The following RIPOR2 variants were observed in gnomAD, a reference collection of about 807,000 sequenced individuals.
RIPOR2 encodes the protein RHO family interacting cell polarization regulator 2, also known as rho family-interacting cell polarization regulator 2.
Under a neutral mutation model 114.5 loss-of-function variants are expected in RIPOR2, and 39 were observed. The ratio of observed to expected loss-of-function variants is 0.34; its 90% CI spans 0.26 to 0.44. The LOEUF (loss-of-function observed/expected upper bound fraction) is 0.44. Ranked by LOEUF, RIPOR2 falls within the 20% of genes least tolerant of loss-of-function variation. The pLI, the probability that RIPOR2 is intolerant of heterozygous loss-of-function variation, is 1.00. For synonymous variants in RIPOR2, 445 were observed against 484.4 expected, an observed-to-expected ratio of 0.92 and a Z score of 1.07; for missense variants, 1,007 against 1,255.1, an observed-to-expected ratio of 0.80 and a Z score of 2.99.
At chr6:24,874,328 CT>C (rs1397021989) in intron 2 of RIPOR2, among the ~76,000 whole-genome samples, 2 of 152,060 alleles carry the variant, frequency 1.3e-5, no homozygotes, top group Non-Finnish European at 2.9e-5. Context: ...CCAGGCTGGT[CT>C]TGATCTCTTG....
At chr6:25,024,168 A>C in intron 1 of RIPOR2, 1 of 1,288,182 alleles carries the variant, frequency 7.8e-7, no homozygotes, top group Non-Finnish European at 1.1e-6. Flanking sequence ...CTGCTGGGCG[A>C]TTTCCACTTG....
chr6:24,996,463 C>T (rs1455678147), intron 1 of RIPOR2, among the ~76,000 whole-genome samples: 5 of 152,172 alleles, frequency 3.3e-5, no homozygotes, highest in East Asian at 1.9e-4. Flanking sequence ...GTTTAACCAT[C>T]GCTGGCTGCC....
At chr6:24,885,037 C>T (rs1283480027) in intron 1 of RIPOR2, among the ~76,000 whole-genome samples, 1 of 152,106 alleles carries the variant, frequency 6.6e-6, no homozygotes, top group Non-Finnish European at 1.5e-5. Flanking sequence ...ATATTATATG[C>T]TCAGCGCTGG....
At chr6:24,865,210 G>A (rs1474452498) in intron 7 of RIPOR2, 91 bp downstream of exon 7, 7 of 1,068,368 alleles carry the variant, frequency 6.6e-6, no homozygotes, top group African/African-American at 1.6e-5. Flanking sequence ...ATGAGGTTGT[G>A]GGTTGCTGTT....
chr6:24,914,284 C>G (rs2114082744), intron 1 of RIPOR2, among the ~76,000 whole-genome samples: 1 of 151,968 alleles, frequency 6.6e-6, no homozygotes, highest in Non-Finnish European at 1.5e-5. Flanking sequence ...TGCAGTGAGC[C>G]GAGATTACGT....
At chr6:25,023,200 G>T in intron 1 of RIPOR2, 2 of 632,280 alleles carry the variant, frequency 3.2e-6, no homozygotes, top group Non-Finnish European at 6.0e-6. Context: ...GCCTGTACTT[G>T]GGGGATCTGC....
intron 1 of RIPOR2, among the ~76,000 whole-genome samples, chr6:25,032,986 C>T (rs1417957411): frequency 3.2e-4 from 48 of 152,186 alleles, no homozygotes; most frequent in Admixed American, 3.1e-3. Context: ...GGGAAAATTG[C>T]TTGAGCCCAC....
In RIPOR2 at chr6:24,840,422, C is replaced by T. The variant is rs113713643; in HGVS notation, c.1858-1150G>A. The stretch of plus-strand genomic sequence containing the variant: ...CTCTGGCCTGGAGCATTCTATAATG[C>T]TGGCCACATGCAGAAACATTACAAG... On this transcript the variant is annotated intron_variant, in intron 13 of 21. Coordinates refer to ENST00000643898, the MANE Select transcript of RIPOR2 (RefSeq NM_001286445.3). The T allele has an allele frequency of 1.0e-5, 13 of 1,249,644 alleles. 1 individual carries two copies. The African/African-American group carries it at 1.7e-4, about 16-fold the overall frequency. 77.4% of individuals were successfully genotyped at this position (1,249,644 alleles called of 1,614,324 possible).
Position 24,806,379 on chromosome 6 carries a change from G to A in RIPOR2, c.3138C>T (p.Ala1046=). 1 of 1,548,038 alleles carries A rather than the reference G, an allele frequency of 6.5e-7. No individual in the cohort carries two copies. Among genetic ancestry groups the A allele is most frequent in the Non-Finnish European group, 8.7e-7 (1 of 1,143,804 alleles). ...TTAGGCAGTTAACCTGTAATTAAAA[G>A]GCTGTGGCAACTTCAGTTCCATGAC... ...GGRHGTEVAT[A]F The change falls in exon 22 of 22, where the codon GCC becomes GCT. Residue 1046 remains alanine (A), a synonymous_variant. Coordinates refer to ENST00000643898, the MANE Select transcript of RIPOR2 (RefSeq NM_001286445.3).
intron 1 of RIPOR2, among the ~76,000 whole-genome samples, chr6:25,004,425 C>A (rs556691189): frequency 6.6e-6 from 1 of 152,302 alleles, no homozygotes; most frequent in South Asian, 2.1e-4. Flanking sequence ...TCTCCTTGGC[C>A]TGGAGAGGGT....
intron 1 of RIPOR2, among the ~76,000 whole-genome samples, chr6:24,951,041 T>G (rs1429745796): frequency 6.6e-6 from 1 of 152,180 alleles, no homozygotes; most frequent in East Asian, 1.9e-4. Flanking sequence ...TTCCAGACAT[T>G]TTAAAAATCA....
At chr6:24,973,357 C>T (rs530067669) in intron 1 of RIPOR2, among the ~76,000 whole-genome samples, 72 of 152,222 alleles carry the variant, frequency 4.7e-4, no homozygotes, top group Admixed American at 7.2e-4. Flanking sequence ...AATCCCAGCA[C>T]TTTGGGAGGC....
In RIPOR2 at chr6:24,832,409, A is replaced by C; in HGVS notation, c.2209-18T>G. On this transcript the variant is annotated intron_variant, in intron 15 of 21. Coordinates refer to ENST00000643898, the MANE Select transcript of RIPOR2 (RefSeq NM_001286445.3). ...ACAATTTGCTGGTAAAACAAACAAA[A>C]CTCCTGTTTCAATTATGTTGTTTTC... 1 of 1,551,042 alleles carries C rather than the reference A, an allele frequency of 6.4e-7. No individual in the cohort carries two copies. Among genetic ancestry groups the C allele is most frequent in the Non-Finnish European group, 8.7e-7 (1 of 1,146,590 alleles).
At chr6:24,885,083 C>G (rs775881166) in intron 1 of RIPOR2, among the ~76,000 whole-genome samples, 5 of 152,082 alleles carry the variant, frequency 3.3e-5, no homozygotes, top group African/African-American at 7.2e-5. Flanking sequence ...CCAAAGACAA[C>G]CTAAGACTGA....
intron 1 of RIPOR2, among the ~76,000 whole-genome samples, chr6:24,956,255 A>G (rs1017599433): frequency 5.3e-5 from 8 of 152,190 alleles, no homozygotes; most frequent in Non-Finnish European, 1.2e-4. Context: ...CTATCTCATA[A>G]ATCTCTTTTT....
intron 1 of RIPOR2, among the ~76,000 whole-genome samples, chr6:25,003,639 C>T (rs1431402872): frequency 2.6e-5 from 4 of 151,954 alleles, no homozygotes; most frequent in Non-Finnish European, 4.4e-5. Context: ...CTATGTTGCC[C>T]AGTCTGGTCT....
intron 1 of RIPOR2, among the ~76,000 whole-genome samples, chr6:25,022,219 G>A (rs1378477816): frequency 4.6e-5 from 7 of 152,110 alleles, no homozygotes; most frequent in Admixed American, 2.6e-4. Context: ...GTTTCCTCAT[G>A]CCTCCGTAGT....
intron 1 of RIPOR2, among the ~76,000 whole-genome samples, chr6:24,904,278 C>G (rs897515564): frequency 9.2e-5 from 14 of 152,190 alleles, no homozygotes; most frequent in African/African-American, 2.9e-4. Context: ...TCCGGCGGCT[C>G]GAGGAGAAAA....
chr6:24,892,171 A>C (rs919314989), intron 1 of RIPOR2, among the ~76,000 whole-genome samples: 1 of 152,182 alleles, frequency 6.6e-6, no homozygotes, highest in Non-Finnish European at 1.5e-5. Context: ...GAGCAAGAAA[A>C]TGAGGGTTGG....
Sources: gnomAD v4.1 joint callset for allele counts (sites outside exome capture counted in the v4.1 genomes callset) on GRCh38, gnomAD v4.1.1 for gene constraint, MANE v1.5 for transcripts, NCBI Gene and HGNC (gene_info 2026-07-23, HGNC 2026-07-21) for gene names.